Variants in PRKN observed in about 807,000 individuals in gnomAD.
The protein encoded by PRKN is E3 ubiquitin-protein ligase parkin.
Under a neutral mutation model 59.5 loss-of-function variants are expected in PRKN, and 56 were observed. The observed-to-expected ratio is 0.94, with a 90% CI of 0.76 to 1.18. The LOEUF is 1.18. Among genes scored for constraint, PRKN ranks in the 50% most tolerant of loss-of-function variants. PRKN has a pLI of 0.00. For missense variants in PRKN, 657 were observed against 596.4 expected (o/e 1.10, Z -1.06); for synonymous variants, 250 against 222.1 (o/e 1.13, Z -1.12).
chr6:162,044,791 C>T (rs140892231), intron 5 of PRKN, among the ~76,000 whole-genome samples: 9 of 152,318 alleles, frequency 5.9e-5, no homozygotes, highest in African/African-American at 2.2e-4. Flanking sequence ...TTCCCTTGGG[C>T]CTCACCTCCA....
At chr6:161,664,292 A>G (rs1784649486) in intron 7 of PRKN, among the ~76,000 whole-genome samples, 1 of 152,224 alleles carries the variant, frequency 6.6e-6, no homozygotes, top group African/African-American at 2.4e-5. Flanking sequence ...AGATGAGCAC[A>G]GCAAAAGAAA....
At chr6:162,328,949 A>G (rs1783439066) in intron 2 of PRKN, among the ~76,000 whole-genome samples, 1 of 152,096 alleles carries the variant, frequency 6.6e-6, no homozygotes. Context: ...AACAAATCAC[A>G]TTGCCTCCAG....
chr6:162,283,670 G>A (rs1311895586), intron 2 of PRKN, among the ~76,000 whole-genome samples: 3 of 152,144 alleles, frequency 2.0e-5, no homozygotes, highest in South Asian at 2.1e-4. Context: ...GCAGGTATGC[G>A]CTATCACACC....
intron 6 of PRKN, among the ~76,000 whole-genome samples, chr6:161,902,556 A>ATCTTTTTTTTTTTTTTTT (rs1382089937): frequency 8.5e-6 from 1 of 118,202 alleles, no homozygotes; most frequent in Non-Finnish European, 1.7e-5. Context: ...CTATTTATTT[A>ATCTTTTTTTTTTTTTTTT]TTTATTTATT....
intron 1 of PRKN, among the ~76,000 whole-genome samples, chr6:162,490,579 T>C (rs1457255267): frequency 6.6e-6 from 1 of 152,214 alleles, no homozygotes; most frequent in Non-Finnish European, 1.5e-5. Context: ...TCTACCTTTT[T>C]TCTTTAAGAA....
intron 6 of PRKN, among the ~76,000 whole-genome samples, chr6:161,898,343 A>G (rs1777739768): frequency 6.6e-6 from 1 of 152,214 alleles, no homozygotes; most frequent in African/African-American, 2.4e-5. Flanking sequence ...TACAGGTTCT[A>G]GGGAATCACG....
Position 162,507,653 on chromosome 6 carries a change from T to C in PRKN, c.8-64180A>G, listed in dbSNP as rs565781155. The stretch of plus-strand genomic sequence containing the variant: ...ACACATTTACAAGGTATGTATAGGA[T>C]TTATGAAAGCCTATACTCTACTTTT... On this transcript the variant is annotated intron_variant, in intron 1 of 11. Coordinates refer to ENST00000366898, the MANE Select transcript of PRKN (RefSeq NM_004562.3). Among the ~76,000 whole-genome samples the C allele has an allele frequency of 1.9e-3, 288 of 152,290 alleles. 2 individuals are homozygous for C. The highest frequency in any genetic ancestry group is 2.9e-3 in the Non-Finnish European group (195 of 68,020).
chr6:161,784,715 G>A (rs1790343893), intron 7 of PRKN, among the ~76,000 whole-genome samples: 1 of 152,146 alleles, frequency 6.6e-6, no homozygotes, highest in Admixed American at 6.5e-5. Flanking sequence ...AACACAGTGG[G>A]CAGTTCTCCT....
chr6:162,568,950 C>G (rs6936107), intron 1 of PRKN: 125,503 of 661,542 alleles, frequency 0.19, 13,816 homozygotes, highest in African/African-American at 0.38. Context: ...GTAGTCTCAG[C>G]TGGAAGGGCT....
chr6:162,727,563 A>T, intron 1 of PRKN, 99 bp downstream of exon 1: 1 of 1,297,880 alleles, frequency 7.7e-7, no homozygotes, highest in Non-Finnish European at 1.1e-6. Flanking sequence ...CGTCATTGAC[A>T]GTTGGCACCG....
chr6:162,510,936 CAAAT>C (rs1777584737), intron 1 of PRKN, among the ~76,000 whole-genome samples: 1 of 144,764 alleles, frequency 6.9e-6, no homozygotes, highest in Non-Finnish European at 1.5e-5. Context: ...AACAAACAAA[CAAAT>C]AAAAAAACAA....
chr6:162,177,894 GC>G (rs1348986717), intron 4 of PRKN, among the ~76,000 whole-genome samples: 1 of 152,158 alleles, frequency 6.6e-6, no homozygotes, highest in Non-Finnish European at 1.5e-5. Context: ...CATTGTCAGT[GC>G]CCCCGGATGT....
intron 2 of PRKN, among the ~76,000 whole-genome samples, chr6:162,295,279 C>G (rs561998215): frequency 1.1e-4 from 16 of 152,222 alleles, no homozygotes; most frequent in African/African-American, 3.4e-4. Flanking sequence ...CACTTAGGGC[C>G]AAAATAATGA....
intron 1 of PRKN, among the ~76,000 whole-genome samples, chr6:162,708,244 A>G (rs1778405139): frequency 6.6e-6 from 1 of 152,198 alleles, no homozygotes; most frequent in Admixed American, 6.5e-5. Context: ...TGTTGATGAT[A>G]AAAATATCTG....
intron 6 of PRKN, among the ~76,000 whole-genome samples, chr6:161,826,395 C>T (rs973830084): frequency 6.6e-6 from 1 of 152,128 alleles, no homozygotes; most frequent in Non-Finnish European, 1.5e-5. Context: ...ATACAAAATA[C>T]AATACATGCA....
At chr6:161,918,137 G>A (rs1036257439) in intron 6 of PRKN, among the ~76,000 whole-genome samples, 7 of 152,118 alleles carry the variant, frequency 4.6e-5, no homozygotes, top group African/African-American at 1.7e-4. Flanking sequence ...CCTGCTGTGC[G>A]GGATTTCTAA....
At chr6:161,813,936 G>A (rs577320437) in intron 6 of PRKN, among the ~76,000 whole-genome samples, 3 of 152,274 alleles carry the variant, frequency 2.0e-5, no homozygotes, top group African/African-American at 2.4e-5. Context: ...GAATTATTTG[G>A]ATTGATTCTG....
chr6:162,012,958 T>C (rs1159591839), intron 5 of PRKN, among the ~76,000 whole-genome samples: 1 of 152,166 alleles, frequency 6.6e-6, no homozygotes, highest in Non-Finnish European at 1.5e-5. Flanking sequence ...TGATTTTTAT[T>C]TTTATGTTGA....
chr6:162,659,457 G>A (rs1419691822), intron 1 of PRKN, among the ~76,000 whole-genome samples: 3 of 152,030 alleles, frequency 2.0e-5, no homozygotes, highest in East Asian at 1.9e-4. Context: ...TCTTGTTCAC[G>A]TTCTCTAGCT....
Sources: gnomAD v4.1 joint callset for allele counts (sites outside exome capture counted in the v4.1 genomes callset) on GRCh38, gnomAD v4.1.1 for gene constraint, MANE v1.5 for transcripts, NCBI Gene and HGNC (gene_info 2026-07-23, HGNC 2026-07-21) for gene names.